Variants in DLG2 observed in about 807,000 individuals in gnomAD.
DLG2 encodes disks large homolog 2.
Under a neutral mutation model 132.5 loss-of-function variants are expected in DLG2, and 45 were observed. The observed-to-expected ratio is 0.34, with a 90% CI of 0.27 to 0.44. The LOEUF (loss-of-function observed/expected upper bound fraction) is 0.44, where lower values mean the gene tolerates loss of function less well. Ranked by LOEUF, DLG2 falls within the 20% of genes least tolerant of loss-of-function variation. The pLI is 1.00. For missense variants in DLG2, 1,045 were observed against 1,196.9 expected, an observed-to-expected ratio of 0.87 and a Z score of 1.87; for synonymous variants, 424 against 419.6, an observed-to-expected ratio of 1.01 and a Z score of -0.13.
Position 84,065,500 on chromosome 11 carries a change from T to C in DLG2, c.750-6016A>G, listed in dbSNP as rs181419274. Among the ~76,000 whole-genome samples, 57 of 152,068 alleles carry C rather than the reference T, an allele frequency of 3.7e-4. 1 individual carries two copies. Among genetic ancestry groups the C allele is most frequent in the African/African-American group, 1.3e-3 (55 of 41,484 alleles). ...TTACTAATCATTAGAGAAATGCAAA[T>C]CAAAACCACAATGGGGTAACATCTC... is the stretch of plus-strand genomic sequence containing the variant. On this transcript the variant is annotated intron_variant, in intron 10 of 27. Transcript: ENST00000376104.
intron 3 of DLG2, among the ~76,000 whole-genome samples, chr11:85,393,022 C>A (rs1455362526): frequency 6.6e-6 from 1 of 152,136 alleles, no homozygotes; most frequent in African/African-American, 2.4e-5. Flanking sequence ...TATAAATAAT[C>A]AGCAGAATTA....
chr11:85,242,761 T>C (rs2075951652), intron 4 of DLG2, among the ~76,000 whole-genome samples: 1 of 151,984 alleles, frequency 6.6e-6, no homozygotes, highest in South Asian at 2.1e-4. Context: ...CTGTTGAGTT[T>C]TGATGCTTGT....
chr11:84,829,394 T>G (rs1160002735), intron 6 of DLG2, among the ~76,000 whole-genome samples: 1 of 151,722 alleles, frequency 6.6e-6, no homozygotes. Flanking sequence ...GAATAATGAT[T>G]CATAATGAAC....
At chr11:83,537,315 G>T (rs1005198263) in intron 20 of DLG2, among the ~76,000 whole-genome samples, 1 of 152,122 alleles carries the variant, frequency 6.6e-6, no homozygotes, top group African/African-American at 2.4e-5. Flanking sequence ...TGGACAGTGG[G>T]AACATCATTT....
chr11:85,384,255 T>C (rs2086139708), intron 3 of DLG2, among the ~76,000 whole-genome samples: 1 of 152,186 alleles, frequency 6.6e-6, no homozygotes, highest in South Asian at 2.1e-4. Context: ...ACAAAATTAC[T>C]TATTCAAGGT....
At chr11:84,169,310 A>G (rs2095756244) in intron 8 of DLG2, among the ~76,000 whole-genome samples, 1 of 151,860 alleles carries the variant, frequency 6.6e-6, no homozygotes, top group African/African-American at 2.4e-5. Flanking sequence ...ACTGTCTGGC[A>G]CAAAGCAGAT....
At chr11:83,929,114 A>ATT (rs2079626693) in intron 15 of DLG2, among the ~76,000 whole-genome samples, 3 of 152,232 alleles carry the variant, frequency 2.0e-5, no homozygotes, top group Non-Finnish European at 4.4e-5. Context: ...TACATAGTCA[A>ATT]AAATGTGTTT....
intron 6 of DLG2, among the ~76,000 whole-genome samples, chr11:84,603,904 A>G (rs549128467): frequency 6.6e-6 from 1 of 152,098 alleles, no homozygotes; most frequent in South Asian, 2.1e-4. Flanking sequence ...ATTCAATAAT[A>G]CACAATGATT....
At position 84,266,539 on chromosome 11, in the gene DLG2, G is replaced by C. The variant is rs561213642; in HGVS notation, c.520-15248C>G. Among the ~76,000 whole-genome samples, 5 of 152,300 alleles carry C rather than the reference G, an allele frequency of 3.3e-5. No individual in the cohort carries two copies. In the South Asian group the frequency reaches 1.0e-3, roughly 32 times the overall value. ...ATTACTAAACAGAAATGCAAAGCAA[G>C]GTTAAGAGGAAGGAAACAGGGAAAT... is the stretch of plus-strand genomic sequence containing the variant. On this transcript the variant is annotated intron_variant, in intron 7 of 27. Coordinates refer to ENST00000376104, the MANE Select transcript of DLG2 (RefSeq NM_001142699.3).
chr11:83,939,637 G>A (rs551445842), intron 14 of DLG2, among the ~76,000 whole-genome samples: 1 of 152,148 alleles, frequency 6.6e-6, no homozygotes, highest in South Asian at 2.1e-4. Flanking sequence ...GGAGGCTCGA[G>A]GATGATTGAC....
intron 6 of DLG2, among the ~76,000 whole-genome samples, chr11:84,644,485 TCA>T (rs2099672072): frequency 6.6e-6 from 1 of 151,300 alleles, no homozygotes; most frequent in Non-Finnish European, 1.5e-5. Flanking sequence ...GGCGGGCGAG[TCA>T]CTAGGTCAGG....
chr11:84,872,847 T>G (rs2085692085), intron 6 of DLG2, among the ~76,000 whole-genome samples: 1 of 152,206 alleles, frequency 6.6e-6, no homozygotes, highest in Non-Finnish European at 1.5e-5. Context: ...TTAAAGACAC[T>G]AACTATAAGC....
intron 9 of DLG2, among the ~76,000 whole-genome samples, chr11:84,103,363 C>T (rs1348364001): frequency 6.6e-6 from 1 of 152,130 alleles, no homozygotes; most frequent in Non-Finnish European, 1.5e-5. Context: ...CTCAGCTCCT[C>T]TCTTCTCTGA....
chr11:84,898,165 A>G (rs1263923183), intron 6 of DLG2, among the ~76,000 whole-genome samples: 1 of 151,992 alleles, frequency 6.6e-6, no homozygotes. Flanking sequence ...TTTTTACATG[A>G]CTTTGTTAAA....
chr11:85,294,022 G>T (rs1003461116), intron 3 of DLG2, among the ~76,000 whole-genome samples: 3 of 151,938 alleles, frequency 2.0e-5, no homozygotes, highest in Admixed American at 6.6e-5. Flanking sequence ...TGGGAAGATT[G>T]GTTGAAGCCA....
chr11:85,191,585 C>T (rs1256850482), intron 4 of DLG2, among the ~76,000 whole-genome samples: 1 of 152,148 alleles, frequency 6.6e-6, no homozygotes, highest in Admixed American at 6.5e-5. Flanking sequence ...ATGGCAATGG[C>T]TTTCTCAAGA....
intron 6 of DLG2, among the ~76,000 whole-genome samples, chr11:84,617,421 T>C (rs982031936): frequency 6.6e-6 from 1 of 152,152 alleles, no homozygotes; most frequent in African/African-American, 2.4e-5. Flanking sequence ...TCTTTGCTAT[T>C]ATAAACAGTG....
intron 11 of DLG2, among the ~76,000 whole-genome samples, chr11:84,020,842 G>A (rs897755641): frequency 6.6e-6 from 1 of 152,064 alleles, no homozygotes; most frequent in Non-Finnish European, 1.5e-5. Flanking sequence ...AAGTTCTTTC[G>A]GTTATAAAAT....
intron 3 of DLG2, among the ~76,000 whole-genome samples, chr11:85,430,490 T>C (rs11234342): frequency 0.14 from 21,972 of 152,132 alleles, 2,173 homozygotes; most frequent in Non-Finnish European, 0.22. Flanking sequence ...TACATATCTA[T>C]TGAACATAAT....
Sources: allele counts gnomAD v4.1 joint callset (sites outside exome capture counted in the v4.1 genomes callset), GRCh38; gene constraint gnomAD v4.1.1; transcripts MANE v1.5; gene names NCBI Gene and HGNC (gene_info 2026-07-23, HGNC 2026-07-21).